RPAP2: variants seen among roughly 807,000 people sequenced by gnomAD.
The protein encoded by RPAP2 is RNA polymerase II associated protein 2.
A neutral mutation model predicts 73.1 loss-of-function variants in RPAP2; 52 were observed. The ratio of observed to expected loss-of-function variants is 0.71; its 90% confidence interval spans 0.57 to 0.90. RPAP2 has a LOEUF of 0.90. RPAP2 is among the 40% of genes least tolerant of loss of function. The pLI is 0.00. For missense variants in RPAP2, 598 were observed against 701.8 expected, an observed-to-expected ratio of 0.85 and a Z score of 1.67; for synonymous variants, 225 against 242.1, an observed-to-expected ratio of 0.93 and a Z score of 0.65.
In RPAP2 at chr1:92,322,335, G is replaced by A. The variant is rs557587446; in HGVS notation, c.525-1110G>A. ...CAAGACAGGTGGATCACTTGAGGTC[G>A]GGAGTTTGAGACCAGCCTGGCCAAC... On this transcript the variant is annotated intron_variant, in intron 7 of 12. Transcript: ENST00000610020. Among the ~76,000 whole-genome samples the A allele has an allele frequency of 1.8e-3, 275 of 151,384 alleles. 1 individual carries two copies. Among genetic ancestry groups the A allele is most frequent in the Non-Finnish European group, 3.2e-3 (219 of 67,780 alleles).
intron 11 of RPAP2, among the ~76,000 whole-genome samples, chr1:92,359,385 T>A (rs1051273072): frequency 6.6e-6 from 1 of 152,252 alleles, no homozygotes; most frequent in African/African-American, 2.4e-5. Flanking sequence ...AATGGCACAA[T>A]CTCGGCTCAC....
At position 92,399,686 on chromosome 1, in the gene RPAP2, A is replaced by G. The variant is rs1656267951; in HGVS notation, c.*12675A>G. 6.6e-6 allele frequency: 1 copy of G among 152,202 alleles called. No homozygotes were observed. Among genetic ancestry groups the G allele is most frequent in the African/African-American group, 2.4e-5 (1 of 41,444 alleles). 9.4% of individuals were successfully genotyped at this position (152,202 alleles called of 1,614,324 possible). A position where few individuals can be genotyped will look rare whatever the true frequency, so the allele number is the denominator to read the frequency against. On this transcript the variant is annotated 3_prime_UTR_variant, in exon 13 of 13. Coordinates refer to ENST00000610020, the MANE Select transcript of RPAP2 (RefSeq NM_024813.3). ...ATACCCATCTTCATTTTTTATATGA[A>G]AAAGCATAGCCTATGATCTGTCACC...
intron 12 of RPAP2, among the ~76,000 whole-genome samples, chr1:92,385,675 A>T (rs1655836336): frequency 1.3e-5 from 2 of 152,220 alleles, no homozygotes. Context: ...ACAGAAAAAA[A>T]ATCCATTTCC....
At chr1:92,314,290 A>G (rs1030950673) in intron 6 of RPAP2, among the ~76,000 whole-genome samples, 2 of 150,850 alleles carry the variant, frequency 1.3e-5, no homozygotes, top group African/African-American at 4.9e-5. Context: ...TTGAACACTC[A>G]GAGGCCATTG....
intron 8 of RPAP2, among the ~76,000 whole-genome samples, chr1:92,330,551 G>A (rs1652907621): frequency 6.8e-6 from 1 of 146,486 alleles, no homozygotes; most frequent in Admixed American, 7.0e-5. Flanking sequence ...GGGTTCGAGC[G>A]ATTTTCCTGC....
Position 92,307,260 on chromosome 1 carries a change from G to C in RPAP2, c.472G>C (p.Val158Leu). The C allele has an allele frequency of 6.2e-7, 1 of 1,609,776 alleles. No individual in the cohort carries two copies. Among genetic ancestry groups the C allele is most frequent in the Non-Finnish European group, 8.5e-7 (1 of 1,177,552 alleles). ...ACAAATTCCCAAAACTCCAGTATGG[G>C]TTCGAGAAGAAGAGAGGTAATTTAA... is the stretch of plus-strand genomic sequence containing the variant. ...EAQIPKTPVWVREEERHPDFQ... is the reference protein window; with the variant it reads ...EAQIPKTPVWLREEERHPDFQ... The change falls in exon 6 of 13, where the codon GTT (valine) becomes CTT (leucine). Residue 158 changes from valine (V) to leucine (L), a missense_variant. Val to Leu is a conservative substitution (Grantham distance 32). Transcript: ENST00000610020.
At chr1:92,385,006 T>TA (rs755899503) in intron 12 of RPAP2, among the ~76,000 whole-genome samples, 1 of 151,196 alleles carries the variant, frequency 6.6e-6, no homozygotes, top group East Asian at 2.0e-4. Context: ...CTACAAAAAA[T>TA]AAAAAAATTA....
intron 10 of RPAP2, among the ~76,000 whole-genome samples, chr1:92,345,379 T>TAAA (rs57025975): frequency 5.4e-5 from 4 of 73,752 alleles, no homozygotes; most frequent in Non-Finnish European, 7.7e-5. Flanking sequence ...CCCGTTTCTT[T>TAAA]AAAAAAAAAA....
At chr1:92,351,229 C>T (rs1654191380) in intron 11 of RPAP2, among the ~76,000 whole-genome samples, 8 of 143,800 alleles carry the variant, frequency 5.6e-5, no homozygotes, top group Admixed American at 4.4e-4. Flanking sequence ...ACCGCTTGAA[C>T]CAGGGAGTCA....
Position 92,397,298 on chromosome 1 carries a change from G to A in RPAP2, c.*10287G>A, listed in dbSNP as rs1267807407. Reference sequence around the variant, plus strand: ...CCAGCTACTCAGGAGTCAGAGGTGGGAGGATCACTTGAGCCCAGGAGGCAG... The same window carrying A: ...CCAGCTACTCAGGAGTCAGAGGTGGAAGGATCACTTGAGCCCAGGAGGCAG... On this transcript the variant is annotated 3_prime_UTR_variant, in exon 13 of 13. Transcript: ENST00000610020. 1 of 152,230 alleles carries A rather than the reference G, an allele frequency of 6.6e-6. No individual in the cohort carries two copies. Among genetic ancestry groups the A allele is most frequent in the African/African-American group, 2.4e-5 (1 of 41,432 alleles). 9.4% of individuals were successfully genotyped at this position (152,230 alleles called of 1,614,324 possible).
chr1:92,383,250 A>C (rs1449960901), intron 12 of RPAP2, among the ~76,000 whole-genome samples: 2 of 152,086 alleles, frequency 1.3e-5, no homozygotes, highest in African/African-American at 4.8e-5. Flanking sequence ...TTGGCAATGC[A>C]GGCTCTTTTT....
At chr1:92,323,019 T>C (rs988372213) in intron 7 of RPAP2, among the ~76,000 whole-genome samples, 9 of 146,846 alleles carry the variant, frequency 6.1e-5, no homozygotes, top group African/African-American at 2.2e-4. Context: ...ATATATACTT[T>C]ATATTTTTAT....
In RPAP2 at chr1:92,299,151, G is replaced by T; in HGVS notation, c.73+5G>T. The T allele has an allele frequency of 6.7e-7, 1 of 1,503,270 alleles. No homozygotes were observed. Among genetic ancestry groups the T allele is most frequent in the Non-Finnish European group, 8.9e-7 (1 of 1,119,854 alleles). 93.1% of individuals were successfully genotyped at this position (1,503,270 alleles called of 1,614,324 possible). A position where few individuals can be genotyped will look rare whatever the true frequency, so the allele number is the denominator to read the frequency against. ...GCTGCTCTCGAAAAGCCGCAGGTAGGAGCAAGGATCTCTTCCCACTTTTGG... is the reference window on the plus strand; with the variant it reads ...GCTGCTCTCGAAAAGCCGCAGGTAGTAGCAAGGATCTCTTCCCACTTTTGG... On this transcript the variant is annotated splice_donor_5th_base_variant and intron_variant, in intron 1 of 12. Coordinates refer to ENST00000610020, the MANE Select transcript of RPAP2 (RefSeq NM_024813.3).
rs1655938950 is a variant in RPAP2 at position 92,388,472 on chromosome 1, C to G, written c.*1461C>G. The G allele has an allele frequency of 2.0e-5, 3 of 152,310 alleles. No individual in the cohort carries two copies. Among genetic ancestry groups the G allele is most frequent in the Non-Finnish European group, 4.4e-5 (3 of 68,098 alleles). The allele number at this position is 152,310 out of a possible 1,614,324, so 9.4% of individuals were successfully genotyped here. On this transcript the variant is annotated 3_prime_UTR_variant, in exon 13 of 13. Transcript: ENST00000610020. ...GATGGACACAGAAGATGGGTGATTT[C>G]TGCATTTTCAACTAAAGTACCTGGT...
chr1:92,304,013 G>T lies in RPAP2; in HGVS notation c.271G>T (p.Val91Leu), dbSNP rs774278468. The change falls in exon 4 of 13, where the codon GTG (valine) becomes TTG (leucine). Residue 91 changes from valine to leucine, a missense_variant. Physicochemically the swap from Val to Leu is conservative, Grantham distance 32. Around this residue, in one of 3 missense-constraint regions of RPAP2, gnomAD observed 506 missense variants for 612.8 expected, o/e 0.83. Transcript: ENST00000610020. ...TACACCTGCTCACTACAGTGATGTC[G>T]TGGATGAACGTTCTATTGTCAAACT... Reference protein sequence around the residue: ...FITPAHYSDVVDERSIVKLCG... With the variant: ...FITPAHYSDVLDERSIVKLCG... The T allele has an allele frequency of 6.8e-6, 11 of 1,612,930 alleles. No homozygotes were observed. Among genetic ancestry groups the T allele is most frequent in the Non-Finnish European group, 9.3e-6 (11 of 1,179,462 alleles).
At chr1:92,300,659 C>T (rs1363408278) in intron 2 of RPAP2, among the ~76,000 whole-genome samples, 3 of 152,194 alleles carry the variant, frequency 2.0e-5, no homozygotes, top group African/African-American at 7.2e-5. Context: ...CAAGATATTA[C>T]CACATATCAC....
At chr1:92,347,700 A>C (rs1653977302) in intron 11 of RPAP2, among the ~76,000 whole-genome samples, 1 of 152,214 alleles carries the variant, frequency 6.6e-6, no homozygotes, top group Non-Finnish European at 1.5e-5. Context: ...CTAGTGTTTG[A>C]TTTTAATAGA....
chr1:92,331,141 A>G (rs1161664180), intron 8 of RPAP2, among the ~76,000 whole-genome samples: 1 of 152,228 alleles, frequency 6.6e-6, no homozygotes, highest in East Asian at 1.9e-4. Context: ...GTTATTGGGT[A>G]TAAATGTAAA....
chr1:92,347,176 AT>A (rs1217683758), intron 11 of RPAP2, among the ~76,000 whole-genome samples: 5 of 152,194 alleles, frequency 3.3e-5, no homozygotes, highest in Non-Finnish European at 5.9e-5. Context: ...CCTGATATAA[AT>A]TTTTTATCAA....
Sources: allele counts gnomAD v4.1 joint callset (sites outside exome capture counted in the v4.1 genomes callset), GRCh38; gene constraint gnomAD v4.1.1; regional missense constraint gnomAD v4.1.1; transcripts MANE v1.5; gene names NCBI Gene and HGNC (gene_info 2026-07-23, HGNC 2026-07-21).